Variants in MYO1B observed in about 807,000 individuals in gnomAD.
MYO1B encodes the protein unconventional myosin-Ib.
MYO1B carries 72 observed loss-of-function variants against 159.7 expected under a neutral mutation model. The observed-to-expected ratio is 0.45, with a 90% CI of 0.37 to 0.55. MYO1B has a LOEUF of 0.55. Among genes scored for constraint, MYO1B ranks in the 20% least tolerant of loss-of-function variants. The pLI, the probability that MYO1B is intolerant of heterozygous loss-of-function variation, is 0.00. For synonymous variants in MYO1B, 468 were observed against 473.8 expected (o/e 0.99, Z 0.16); for missense variants, 1,062 against 1,364.8 (o/e 0.78, Z 3.50).
At chr2:191,328,955 C>G (rs1691283849) in intron 3 of MYO1B, among the ~76,000 whole-genome samples, 1 of 152,126 alleles carries the variant, frequency 6.6e-6, no homozygotes, top group Non-Finnish European at 1.5e-5. Flanking sequence ...GCTCCATTTT[C>G]TCTTTCTCTT....
chr2:191,416,262 G>A lies in MYO1B; in HGVS notation c.3287+20G>A. On this transcript the variant is annotated intron_variant, in intron 30 of 30. Coordinates refer to ENST00000392318, the MANE Select transcript of MYO1B (RefSeq NM_001130158.3). ...CGATGAGTACGTTCATGTATTGTTT[G>A]AAAACCCTTTTTCTCTTTCAGCTTT... is the stretch of plus-strand genomic sequence containing the variant. The A allele has an allele frequency of 6.2e-7, 1 of 1,613,502 alleles. No individual in the cohort carries two copies. The highest frequency in any genetic ancestry group is 1.1e-5 in the South Asian group (1 of 90,878).
chr2:191,284,404 C>T (rs1030125850), intron 2 of MYO1B, among the ~76,000 whole-genome samples: 1 of 152,114 alleles, frequency 6.6e-6, no homozygotes, highest in South Asian at 2.1e-4. Context: ...GCTGACAGAC[C>T]TGTTTGAACC....
chr2:191,351,484 T>C (rs778715604), intron 7 of MYO1B, among the ~76,000 whole-genome samples: 12 of 152,352 alleles, frequency 7.9e-5, no homozygotes, highest in Middle Eastern at 3.4e-3. Flanking sequence ...AAATCATGAT[T>C]CAGAGAGTAA....
At chr2:191,412,962 T>C (rs1331535958) in intron 27 of MYO1B, among the ~76,000 whole-genome samples, 6 of 152,214 alleles carry the variant, frequency 3.9e-5, no homozygotes. Flanking sequence ...GCTTAACTTA[T>C]GATGCAGTTA....
At chr2:191,366,641 C>G (rs991577792) in intron 11 of MYO1B, among the ~76,000 whole-genome samples, 1 of 152,106 alleles carries the variant, frequency 6.6e-6, no homozygotes, top group Non-Finnish European at 1.5e-5. Flanking sequence ...GACATACTCT[C>G]TCCTTGGCTT....
chr2:191,414,984 G>T (rs970997611), intron 29 of MYO1B, among the ~76,000 whole-genome samples: 1 of 152,064 alleles, frequency 6.6e-6, no homozygotes, highest in South Asian at 2.1e-4. Flanking sequence ...TAATCTGGGG[G>T]TTTACATTAA....
chr2:191,325,739 A>G (rs1441677640), intron 3 of MYO1B, among the ~76,000 whole-genome samples: 2 of 152,202 alleles, frequency 1.3e-5, no homozygotes, highest in Non-Finnish European at 2.9e-5. Flanking sequence ...ATGAAAGCAG[A>G]ACCACTCTGA....
At chr2:191,358,919 C>T (rs1693479340) in intron 7 of MYO1B, among the ~76,000 whole-genome samples, 1 of 152,214 alleles carries the variant, frequency 6.6e-6, no homozygotes, top group Non-Finnish European at 1.5e-5. Flanking sequence ...ATCGCTGGCA[C>T]ATAGTGCGTT....
At chr2:191,285,776 G>A (rs1688327984) in intron 2 of MYO1B, among the ~76,000 whole-genome samples, 1 of 152,134 alleles carries the variant, frequency 6.6e-6, no homozygotes, top group Non-Finnish European at 1.5e-5. Flanking sequence ...CAGGGGCGAG[G>A]CTCATTGATA....
intron 1 of MYO1B, among the ~76,000 whole-genome samples, chr2:191,249,363 C>T (rs544294981): frequency 1.1e-4 from 17 of 152,344 alleles, no homozygotes; most frequent in African/African-American, 3.8e-4. Context: ...AGAAGGCATT[C>T]TTCCTTAGGG....
intron 2 of MYO1B, among the ~76,000 whole-genome samples, chr2:191,279,955 C>G (rs749108726): frequency 1.8e-4 from 28 of 152,170 alleles, no homozygotes; most frequent in Non-Finnish European, 3.5e-4. Flanking sequence ...TGGATACACC[C>G]ATAGCCTCAG....
At chr2:191,245,763 C>T (rs982750052) in intron 1 of MYO1B, 137 bp downstream of exon 1, 1 of 152,072 alleles carries the variant, frequency 6.6e-6, no homozygotes, top group Non-Finnish European at 1.5e-5. Context: ...TCAGCGGGCT[C>T]TGCCGCTCTC....
chr2:191,264,440 T>C (rs1052597038), intron 1 of MYO1B, among the ~76,000 whole-genome samples: 20 of 152,098 alleles, frequency 1.3e-4, no homozygotes, highest in Admixed American at 5.2e-4. Flanking sequence ...GCATATTTTT[T>C]CCCCTCCTTT....
At position 191,423,968 on chromosome 2, in the gene MYO1B, C is replaced by G; in HGVS notation, c.*8C>G. On this transcript the variant is annotated 3_prime_UTR_variant, in exon 31 of 31. Transcript: ENST00000392318. ...GAAGTTGCTGTCCCTTAACTGGCGC[C>G]TCCTCTCTACTTTCATGGACTTGTT... is the stretch of plus-strand genomic sequence containing the variant. 1 of 1,611,804 alleles carries G rather than the reference C, an allele frequency of 6.2e-7. No homozygotes were observed. Among genetic ancestry groups the G allele is most frequent in the Non-Finnish European group, 8.5e-7 (1 of 1,179,158 alleles).
At chr2:191,356,378 T>C (rs1403906642) in intron 7 of MYO1B, among the ~76,000 whole-genome samples, 1 of 151,076 alleles carries the variant, frequency 6.6e-6, no homozygotes, top group Non-Finnish European at 1.5e-5. Context: ...TTTTGAGTTT[T>C]AAAGCTCCTG....
chr2:191,403,709 A>G (rs1025773290), intron 24 of MYO1B, among the ~76,000 whole-genome samples: 1 of 152,114 alleles, frequency 6.6e-6, no homozygotes, highest in African/African-American at 2.4e-5. Flanking sequence ...ATCCTTTTTG[A>G]TTATACTGAA....
At position 191,256,143 on chromosome 2, in the gene MYO1B, T is replaced by C. The variant is rs963224568; in HGVS notation, c.-10+10517T>C. Reference sequence around the variant, plus strand: ...AGCATTGCTCTGGGGCAGGCATGACTGAGCTTAGTTGAGATAAGTCCTCTG... The same window carrying C: ...AGCATTGCTCTGGGGCAGGCATGACCGAGCTTAGTTGAGATAAGTCCTCTG... On this transcript the variant is annotated intron_variant, in intron 1 of 30. Coordinates refer to ENST00000392318, the MANE Select transcript of MYO1B (RefSeq NM_001130158.3). Among the ~76,000 whole-genome samples, 3 of 152,228 alleles carry C rather than the reference T, an allele frequency of 2.0e-5. No homozygotes were observed. The South Asian group carries it at 6.2e-4, about 32-fold the overall frequency.
At chr2:191,304,037 T>C (rs1383543818) in intron 3 of MYO1B, among the ~76,000 whole-genome samples, 1 of 152,234 alleles carries the variant, frequency 6.6e-6, no homozygotes, top group Non-Finnish European at 1.5e-5. Context: ...TGTTTGATTC[T>C]GGACAACAAG....
intron 3 of MYO1B, among the ~76,000 whole-genome samples, chr2:191,306,028 T>A (rs1305077679): frequency 6.6e-6 from 1 of 152,098 alleles, no homozygotes; most frequent in East Asian, 1.9e-4. Flanking sequence ...ATCTTGGCCT[T>A]TTTGTGCTTA....
Sources: allele counts gnomAD v4.1 joint callset (sites outside exome capture counted in the v4.1 genomes callset), GRCh38; gene constraint gnomAD v4.1.1; transcripts MANE v1.5; gene names NCBI Gene and HGNC (gene_info 2026-07-23, HGNC 2026-07-21).